TRIM14: variants seen among roughly 807,000 people sequenced by gnomAD.
TRIM14 encodes tripartite motif containing 14, also known as tripartite motif-containing protein 14.
TRIM14 carries 28 observed loss-of-function variants against 44.5 expected under a neutral mutation model. The ratio of observed to expected loss-of-function variants is 0.63; its 90% CI spans 0.47 to 0.86. TRIM14 has a LOEUF of 0.86. TRIM14 is among the 40% of genes least tolerant of loss of function. The pLI, the probability that TRIM14 is intolerant of heterozygous loss-of-function variation, is 0.00. For synonymous variants in TRIM14, 299 were observed against 269.2 expected, an observed-to-expected ratio of 1.11 and a Z score of -1.08; for missense variants, 607 against 611.1, an observed-to-expected ratio of 0.99 and a Z score of 0.07.
chr9:98,091,642 T>G lies in TRIM14; in HGVS notation c.793+267A>C, dbSNP rs1825996928. On this transcript the variant is annotated intron_variant, in intron 5 of 5. Coordinates refer to ENST00000341469, the MANE Select transcript of TRIM14 (RefSeq NM_014788.4). ...TGCATATTAGATGTGCTAAAAAAGC[T>G]AAAAGGACAAATAATAATAGCAGTT... Among the ~76,000 whole-genome samples, 4 of 152,154 alleles carry G rather than the reference T, an allele frequency of 2.6e-5. No homozygotes were observed. The South Asian group carries it at 8.3e-4, about 32-fold the overall frequency.
At chr9:98,109,824 G>C in intron 2 of TRIM14, 65 bp downstream of exon 2, 1 of 1,323,172 alleles carries the variant, frequency 7.6e-7, no homozygotes, top group South Asian at 1.2e-5. Context: ...CCATATTGGG[G>C]GTCCCTTTTG....
chr9:98,107,053 G>T (rs543257165), intron 2 of TRIM14, among the ~76,000 whole-genome samples: 1 of 152,112 alleles, frequency 6.6e-6, no homozygotes, highest in East Asian at 1.9e-4. Context: ...AACATCACTA[G>T]CTACTGGGGG....
At chr9:98,079,452 T>A (rs909091656), downstream of TRIM14, among the ~76,000 whole-genome samples, 3 of 133,724 alleles carry the variant, frequency 2.2e-5, no homozygotes, top group African/African-American at 9.8e-5. Context: ...CTTTCTTACA[T>A]GTTGTTATAC....
At chr9:98,096,601 G>A (rs1254164110) in intron 3 of TRIM14, among the ~76,000 whole-genome samples, 1 of 151,814 alleles carries the variant, frequency 6.6e-6, no homozygotes, top group African/African-American at 2.4e-5. Context: ...TCAGAGAACA[G>A]AAATCCCAGC....
intron 6 of TRIM14, chr9:98,078,158 G>A (rs374277406): frequency 6.2e-7 from 1 of 1,613,780 alleles, no homozygotes; most frequent in Non-Finnish European, 8.5e-7. Flanking sequence ...CCTCTAAAGA[G>A]AAAGTGCTGA....
chr9:98,110,068 C>T, intron 1 of TRIM14, 84 bp from the exon 2 acceptor site: 2 of 1,018,698 alleles, frequency 2.0e-6, no homozygotes, highest in Non-Finnish European at 3.1e-6. Context: ...CCTCCTCTTA[C>T]CCTTGTATTC....
intron 2 of TRIM14, among the ~76,000 whole-genome samples, chr9:98,108,501 C>A (rs572382906): frequency 1.3e-5 from 2 of 152,264 alleles, no homozygotes; most frequent in Admixed American, 1.3e-4. Flanking sequence ...AGACCCTCCA[C>A]ATGGGTCCTA....
rs764051742 is a variant in TRIM14, at chr9:98,091,926, C to A, written c.776G>T (p.Arg259Leu). The A allele has an allele frequency of 1.9e-6, 3 of 1,602,978 alleles. No individual in the cohort carries two copies. Among genetic ancestry groups the A allele is most frequent in the Non-Finnish European group, 2.6e-6 (3 of 1,172,660 alleles). The change falls in exon 5 of 6, where the codon CGA (arginine) becomes CTA (leucine). Residue 259 changes from arginine to leucine, a missense_variant. This residue lies in a region of TRIM14 where 356 missense variants were observed against 323.0 expected (regional missense o/e 1.10). Transcript: ENST00000341469. ...GGTCTTACATTTCAGCAATAGCGAT[C>A]GCTCTGGTGAGGGGCTGGTTTTCAA... ...TLLKTSPSPE[R>L]SLLLKYARTP...
At chr9:98,109,107 C>A (rs749415625) in intron 2 of TRIM14, among the ~76,000 whole-genome samples, 1 of 152,046 alleles carries the variant, frequency 6.6e-6, no homozygotes, top group African/African-American at 2.4e-5. Flanking sequence ...TGGTCTCGAA[C>A]TCCTGGGCTC....
chr9:98,038,595 A>G, the TRIM14 span, among the ~76,000 whole-genome samples: 1 of 152,104 alleles, frequency 6.6e-6, no homozygotes, highest in African/African-American at 2.4e-5. Flanking sequence ...TTTAAATGTG[A>G]TTTCTCTTTT....
At chr9:98,094,413 G>A (rs1436849817) in intron 4 of TRIM14, among the ~76,000 whole-genome samples, 1 of 152,210 alleles carries the variant, frequency 6.6e-6, no homozygotes, top group African/African-American at 2.4e-5. Context: ...ACATGGGCAG[G>A]CCCTGGAGCG....
downstream of TRIM14, chr9:98,080,748 G>A (rs1038468157): frequency 6.0e-6 from 9 of 1,506,198 alleles, no homozygotes; most frequent in East Asian, 2.3e-5. Flanking sequence ...AACCAGATAC[G>A]CTTCACCTGG....
At chr9:98,094,712 G>T (rs962655587) in intron 4 of TRIM14, among the ~76,000 whole-genome samples, 155 bp downstream of exon 4, 99 of 152,162 alleles carry the variant, frequency 6.5e-4, no homozygotes, top group African/African-American at 2.3e-3. Context: ...AGTGGTGAGG[G>T]TGGGTTGGGC....
At chr9:98,041,882 C>T in the TRIM14 span, among the ~76,000 whole-genome samples, 1 of 151,528 alleles carries the variant, frequency 6.6e-6, no homozygotes, top group African/African-American at 2.4e-5. Context: ...CGGGGTTTCT[C>T]CATGGTGGTC....
At chr9:98,115,233 G>A (rs1019642634) in intron 1 of TRIM14, among the ~76,000 whole-genome samples, 1 of 151,642 alleles carries the variant, frequency 6.6e-6, no homozygotes, top group South Asian at 2.1e-4. Flanking sequence ...GGGACTACAG[G>A]TACATGCCAC....
intron 6 of TRIM14, chr9:98,078,407 T>C: frequency 6.5e-7 from 1 of 1,548,582 alleles, no homozygotes; most frequent in Non-Finnish European, 8.8e-7. Context: ...GGCGTAGTCT[T>C]TTTTATAACC....
At chr9:98,056,390 T>A in the TRIM14 span, among the ~76,000 whole-genome samples, 1 of 149,162 alleles carries the variant, frequency 6.7e-6, no homozygotes, top group African/African-American at 2.6e-5. Flanking sequence ...TTTTTTCCAT[T>A]ACACCATAGG....
In TRIM14 at chr9:98,105,144, G is replaced by A. The variant is rs748084; in HGVS notation, c.303+4745C>T. On this transcript the variant is annotated intron_variant, in intron 2 of 5. Transcript: ENST00000341469. ...AAGGCTGGTTCATGTCCCCCCATTG[G>A]TGCCTTGATCCCAAGCCTTGGCTCA... 1.4e-4 allele frequency among the ~76,000 whole-genome samples: 22 copies of A among 152,286 alleles called. No individual in the cohort carries two copies. The South Asian group carries it at 2.7e-3, about 19-fold the overall frequency.
chr9:98,060,708 G>T, the TRIM14 span: 1 of 1,328,042 alleles, frequency 7.5e-7, no homozygotes. Flanking sequence ...ATGTCATAGT[G>T]GTTGCTCCAG....
Sources: gnomAD v4.1 joint callset for allele counts (sites outside exome capture counted in the v4.1 genomes callset) on GRCh38, gnomAD v4.1.1 for gene constraint, gnomAD v4.1.1 regional missense constraint, MANE v1.5 for transcripts, NCBI Gene and HGNC (gene_info 2026-07-23, HGNC 2026-07-21) for gene names.